AAK1: variants seen among roughly 807,000 people sequenced by gnomAD.
AAK1 encodes AP2-associated protein kinase 1.
Under a neutral mutation model 116.0 loss-of-function variants are expected in AAK1, and 37 were observed. That is an observed-to-expected ratio of 0.32 (90% CI 0.25 to 0.42). The LOEUF (loss-of-function observed/expected upper bound fraction) is 0.42, where lower values mean the gene tolerates loss of function less well. AAK1 is among the 10% of genes least tolerant of loss of function. The probability of loss-of-function intolerance (pLI) is 1.00; values close to 1 mark genes in which losing one functional copy is unlikely to be tolerated. For missense variants in AAK1, 919 were observed against 1,170.6 expected (o/e 0.79, Z 3.14); for synonymous variants, 458 against 439.9 (o/e 1.04, Z -0.51).
intron 2 of AAK1, among the ~76,000 whole-genome samples, chr2:69,623,608 G>GT (rs1674765083): frequency 6.6e-6 from 1 of 152,142 alleles, no homozygotes; most frequent in African/African-American, 2.4e-5. Flanking sequence ...GAGGTCAGGA[G>GT]TTTGAGACCA....
rs1674326487 is a variant in AAK1 at position 69,460,973 on chromosome 2, T to C, written c.*14896A>G. 1 of 152,212 alleles carries C rather than the reference T, an allele frequency of 6.6e-6. No individual in the cohort carries two copies. The highest frequency in any genetic ancestry group is 1.5e-5 in the Non-Finnish European group (1 of 68,032). The allele number at this position is 152,212 out of a possible 1,614,324, so 9.4% of individuals were successfully genotyped here. ...GAAAGGTCACAACTTCTATGTTCCC[T>C]ATCAAATGTGTAAAGCAAAAACACA... On this transcript the variant is annotated 3_prime_UTR_variant, in exon 22 of 22. Transcript: ENST00000409085.
At chr2:69,595,259 C>T (rs887119438) in intron 2 of AAK1, among the ~76,000 whole-genome samples, 6 of 152,012 alleles carry the variant, frequency 3.9e-5, no homozygotes, top group Admixed American at 1.3e-4. Flanking sequence ...ATTACAGGCA[C>T]GCACCACCAC....
At chr2:69,614,855 G>A (rs1242084659) in intron 2 of AAK1, among the ~76,000 whole-genome samples, 1 of 152,162 alleles carries the variant, frequency 6.6e-6, no homozygotes, top group Non-Finnish European at 1.5e-5. Flanking sequence ...GGACTGGAGT[G>A]ATGGAGCCAC....
In AAK1 at chr2:69,466,889, A is replaced by G; in HGVS notation, c.*8980T>C. ...CCTGGCACTGGCTCATTATGGAATG[A>G]AAACAAACCCAGTCATTCATCTCCA... On this transcript the variant is annotated 3_prime_UTR_variant, in exon 22 of 22. Coordinates refer to ENST00000409085, the MANE Select transcript of AAK1 (RefSeq NM_014911.5). The G allele has an allele frequency of 1.0e-6, 1 of 985,450 alleles. No individual in the cohort carries two copies. The highest frequency in any genetic ancestry group is 1.2e-6 in the Non-Finnish European group (1 of 829,944). The allele number at this position is 985,450 out of a possible 1,614,324, so 61.0% of individuals were successfully genotyped here. A position where few individuals can be genotyped will look rare whatever the true frequency, so the allele number is the denominator to read the frequency against.
chr2:69,494,320 A>C (rs2104928717), intron 17 of AAK1, among the ~76,000 whole-genome samples: 1 of 152,234 alleles, frequency 6.6e-6, no homozygotes, highest in Admixed American at 6.5e-5. Flanking sequence ...GTGGCCCCAG[A>C]CGCATTTCCA....
At chr2:69,491,202 C>T (rs917702819) in intron 17 of AAK1, among the ~76,000 whole-genome samples, 8 of 152,204 alleles carry the variant, frequency 5.3e-5, no homozygotes, top group Middle Eastern at 6.8e-3. Context: ...GCCTTGGCCC[C>T]GCAAAGTGCT....
intron 13 of AAK1, among the ~76,000 whole-genome samples, chr2:69,513,315 A>G (rs1676459956): frequency 6.6e-6 from 1 of 151,592 alleles, no homozygotes; most frequent in African/African-American, 2.4e-5. Context: ...AATCCTCAGA[A>G]AGATGGTTTC....
At chr2:69,612,849 C>T (rs1011033732) in intron 2 of AAK1, among the ~76,000 whole-genome samples, 1 of 152,220 alleles carries the variant, frequency 6.6e-6, no homozygotes, top group Non-Finnish European at 1.5e-5. Flanking sequence ...TTCCACTCTA[C>T]TATGATGTCA....
intron 2 of AAK1, among the ~76,000 whole-genome samples, chr2:69,621,865 C>T (rs1460874764): frequency 6.6e-6 from 1 of 152,238 alleles, no homozygotes; most frequent in African/African-American, 2.4e-5. Flanking sequence ...TCCCCTCCAA[C>T]TCCGAATCCA....
rs2105018451 is a variant in AAK1 at position 69,528,552 on chromosome 2, G to C, written c.872-1233C>G. Reference sequence around the variant, plus strand: ...TACACGACTGAACCTTTCCTCTCTTGCTAGCTGGATCCAAAGAAATCTTAA... The same window carrying C: ...TACACGACTGAACCTTTCCTCTCTTCCTAGCTGGATCCAAAGAAATCTTAA... On this transcript the variant is annotated intron_variant, in intron 8 of 21. Coordinates refer to ENST00000409085, the MANE Select transcript of AAK1 (RefSeq NM_014911.5). 2.0e-5 allele frequency among the ~76,000 whole-genome samples: 3 copies of C among 152,266 alleles called. No homozygotes were observed. In the South Asian group the frequency reaches 6.2e-4, roughly 32 times the overall value.
intron 2 of AAK1, among the ~76,000 whole-genome samples, chr2:69,620,278 A>G (rs759090607): frequency 3.3e-5 from 5 of 152,160 alleles, no homozygotes; most frequent in African/African-American, 4.8e-5. Flanking sequence ...TTAAAAATGA[A>G]GACTACTCCA....
intron 16 of AAK1, among the ~76,000 whole-genome samples, chr2:69,500,659 C>T (rs1452397249): frequency 4.4e-5 from 3 of 67,538 alleles, no homozygotes; most frequent in Non-Finnish European, 6.4e-5. Context: ...CTTTAAGTCC[C>T]TTAAAATATA....
Position 69,469,255 on chromosome 2 carries a change from G to A in AAK1, c.*6614C>T. 1 of 985,412 alleles carries A rather than the reference G, an allele frequency of 1.0e-6. No homozygotes were observed. The highest frequency in any genetic ancestry group is 1.2e-6 in the Non-Finnish European group (1 of 829,930). The allele number at this position is 985,412 out of a possible 1,614,324, so 61.0% of individuals were successfully genotyped here. ...GGCAAAGAAATGCCAGAGAATATGG[G>A]GGAAGCCCAGACCTCCACATTCCCT... is the stretch of plus-strand genomic sequence containing the variant. On this transcript the variant is annotated 3_prime_UTR_variant, in exon 22 of 22. Coordinates refer to ENST00000409085, the MANE Select transcript of AAK1 (RefSeq NM_014911.5).
rs1281755253 is a variant in AAK1 at position 69,471,253 on chromosome 2, T to G, written c.*4616A>C. 2.0e-6 allele frequency: 2 copies of G among 985,322 alleles called. No individual in the cohort carries two copies. Among genetic ancestry groups the G allele is most frequent in the Non-Finnish European group, 1.2e-6 (1 of 829,936 alleles). 61.0% of individuals were successfully genotyped at this position (985,322 alleles called of 1,614,324 possible). On this transcript the variant is annotated 3_prime_UTR_variant, in exon 22 of 22. Coordinates refer to ENST00000409085, the MANE Select transcript of AAK1 (RefSeq NM_014911.5). ...ACCACCATTTGGTAACTTCTTTGCA[T>G]AGGTTAGCATTACCCAAGGAGCCTC...
At chr2:69,477,372 C>T (rs1451930624) in intron 20 of AAK1, among the ~76,000 whole-genome samples, 5 of 151,990 alleles carry the variant, frequency 3.3e-5, no homozygotes, top group African/African-American at 4.8e-5. Flanking sequence ...AACTCAAAAC[C>T]GGGGCTTGGG....
At chr2:69,555,704 AACTT>A (rs1404570932) in intron 3 of AAK1, among the ~76,000 whole-genome samples, 1 of 152,240 alleles carries the variant, frequency 6.6e-6, no homozygotes, top group Non-Finnish European at 1.5e-5. Flanking sequence ...GATTTTAAAT[AACTT>A]ACTTCCTGAT....
In AAK1 at chr2:69,514,494, G is replaced by C; in HGVS notation, c.1753C>G (p.Pro585Ala). Residue 585 changes from proline (P) to alanine (A), a missense_variant, in exon 13 of 22, where the codon CCA becomes GCA. Transcript: ENST00000409085. ...ACCGCTGGCTCCTGGGCAGGGGCTGGCTGTGGGGCTGCAGCTGGCTGTGGC... is the reference window on the plus strand; with the variant it reads ...ACCGCTGGCTCCTGGGCAGGGGCTGCCTGTGGGGCTGCAGCTGGCTGTGGC... ...PQPQPAAAPQ[P>A]APAQEPAIQA... 4 of 1,548,904 alleles carry C rather than the reference G, an allele frequency of 2.6e-6. No homozygotes were observed. The highest frequency in any genetic ancestry group is 2.6e-6 in the Non-Finnish European group (3 of 1,145,578).
chr2:69,573,108 T>C (rs578211986), intron 2 of AAK1, among the ~76,000 whole-genome samples: 18 of 152,094 alleles, frequency 1.2e-4, no homozygotes, highest in South Asian at 8.3e-4. Context: ...ACTAGATTGA[T>C]AATAAATGGG....
intron 16 of AAK1, among the ~76,000 whole-genome samples, chr2:69,498,252 G>T (rs937307966): frequency 2.6e-5 from 4 of 152,128 alleles, no homozygotes; most frequent in Non-Finnish European, 5.9e-5. Context: ...CTGTAAAACA[G>T]GCTTGTGGAG....
Sources: gnomAD v4.1 joint callset for allele counts (sites outside exome capture counted in the v4.1 genomes callset) on GRCh38, gnomAD v4.1.1 for gene constraint, MANE v1.5 for transcripts, NCBI Gene and HGNC (gene_info 2026-07-23, HGNC 2026-07-21) for gene names.